Variants in LRP1B observed in about 807,000 individuals in gnomAD.
The protein encoded by LRP1B is low-density lipoprotein receptor-related protein 1B.
LRP1B carries 217 observed loss-of-function variants against 556.6 expected under a neutral mutation model. The observed-to-expected ratio is 0.39, with a 90% CI of 0.35 to 0.44. The LOEUF (loss-of-function observed/expected upper bound fraction) is 0.44, where lower values mean the gene tolerates loss of function less well. LRP1B is among the 20% of genes least tolerant of loss of function. The pLI, the probability that LRP1B is intolerant of heterozygous loss-of-function variation, is 1.00. For synonymous variants in LRP1B, 2,047 were observed against 1,865.8 expected, an observed-to-expected ratio of 1.10 and a Z score of -2.50; for missense variants, 5,053 against 5,620.8, an observed-to-expected ratio of 0.90 and a Z score of 3.23.
intron 7 of LRP1B, among the ~76,000 whole-genome samples, chr2:141,077,203 G>C (rs1391312393): frequency 6.6e-6 from 1 of 152,140 alleles, no homozygotes. Flanking sequence ...AGCTGAGATT[G>C]TGCCACTGCA....
chr2:141,796,935 A>G (rs935831755), intron 2 of LRP1B, among the ~76,000 whole-genome samples: 1 of 151,410 alleles, frequency 6.6e-6, no homozygotes. Context: ...AAACTTGTTG[A>G]CAGTAGTAAA....
chr2:141,700,095 T>TA (rs1239770295), intron 2 of LRP1B, among the ~76,000 whole-genome samples: 1 of 151,624 alleles, frequency 6.6e-6, no homozygotes, highest in Non-Finnish European at 1.5e-5. Flanking sequence ...CATCTAAGGG[T>TA]AAACTTCTGT....
At chr2:141,080,238 C>T (rs149051952) in intron 7 of LRP1B, among the ~76,000 whole-genome samples, 28 of 152,282 alleles carry the variant, frequency 1.8e-4, no homozygotes, top group African/African-American at 6.5e-4. Flanking sequence ...CAGGCATTTG[C>T]TGTTCATGCC....
chr2:141,564,279 T>A (rs1334829186), intron 2 of LRP1B, among the ~76,000 whole-genome samples: 1 of 152,084 alleles, frequency 6.6e-6, no homozygotes, highest in Non-Finnish European at 1.5e-5. Context: ...GGACAAAGAA[T>A]GAGGGTTAAG....
chr2:141,531,763 T>G (rs1471677884), intron 2 of LRP1B, among the ~76,000 whole-genome samples: 1 of 152,128 alleles, frequency 6.6e-6, no homozygotes, highest in East Asian at 1.9e-4. Context: ...TCTGACAGAT[T>G]AGGGTTTGTA....
chr2:141,747,329 T>A (rs1693952069), intron 2 of LRP1B, among the ~76,000 whole-genome samples: 1 of 152,238 alleles, frequency 6.6e-6, no homozygotes, highest in African/African-American at 2.4e-5. Flanking sequence ...CAAAAATGTT[T>A]TATTCAATTT....
intron 1 of LRP1B, among the ~76,000 whole-genome samples, chr2:141,902,626 T>C (rs1699653164): frequency 6.6e-6 from 1 of 152,032 alleles, no homozygotes; most frequent in African/African-American, 2.4e-5. Context: ...AAGGAACATA[T>C]AGCACATTCA....
At chr2:140,735,744 G>A (rs1687925358) in intron 35 of LRP1B, among the ~76,000 whole-genome samples, 1 of 152,110 alleles carries the variant, frequency 6.6e-6, no homozygotes, top group African/African-American at 2.4e-5. Flanking sequence ...TTTAGGACAT[G>A]CACTCACTTT....
intron 3 of LRP1B, among the ~76,000 whole-genome samples, chr2:141,351,207 T>G (rs1253230035): frequency 5.9e-5 from 9 of 151,980 alleles, no homozygotes. Flanking sequence ...GAATCAACAT[T>G]TTTCCATTCT....
intron 3 of LRP1B, among the ~76,000 whole-genome samples, chr2:141,467,150 A>ATATATC: frequency 7.0e-6 from 1 of 143,410 alleles, no homozygotes; most frequent in Admixed American, 7.0e-5. Context: ...ATATATATAT[A>ATATATC]TCCTCTCAGG....
chr2:141,928,548 G>C (rs1700400197), intron 1 of LRP1B, among the ~76,000 whole-genome samples: 1 of 152,052 alleles, frequency 6.6e-6, no homozygotes, highest in Admixed American at 6.6e-5. Flanking sequence ...CAGACCTACT[G>C]CTATCACATG....
At chr2:141,824,420 C>G (rs569278894) in intron 1 of LRP1B, among the ~76,000 whole-genome samples, 7 of 152,276 alleles carry the variant, frequency 4.6e-5, no homozygotes, top group African/African-American at 1.7e-4. Flanking sequence ...AATGCAGTGG[C>G]GCGATCTCGG....
At chr2:140,912,661 T>C (rs959550269) in intron 21 of LRP1B, among the ~76,000 whole-genome samples, 1 of 151,782 alleles carries the variant, frequency 6.6e-6, no homozygotes, top group African/African-American at 2.4e-5. Context: ...TGTCAAAGAC[T>C]CTATTTTGGT....
In LRP1B at chr2:140,930,363, T is replaced by C. The variant is rs570749881; in HGVS notation, c.3137-7216A>G. 5.4e-4 allele frequency among the ~76,000 whole-genome samples: 82 copies of C among 152,176 alleles called. 1 individual carries two copies. The highest frequency in any genetic ancestry group is 1.9e-3 in the African/African-American group (77 of 41,546). On this transcript the variant is annotated intron_variant, in intron 20 of 90. Transcript: ENST00000389484. ...AGAGCCCTGAAGGAAATATGGCAAC[T>C]GCTAGTAGAATTTATTCCAATATTT...
chr2:140,996,244 C>G (rs1697241916), intron 15 of LRP1B, among the ~76,000 whole-genome samples: 1 of 151,936 alleles, frequency 6.6e-6, no homozygotes, highest in Admixed American at 6.6e-5. Context: ...CTATCCCTGC[C>G]CAAGCCTTCC....
intron 69 of LRP1B, 29 bp from the exon 70 acceptor site, chr2:140,371,314 G>A (rs2105167253): frequency 7.9e-7 from 1 of 1,260,192 alleles, no homozygotes; most frequent in South Asian, 1.5e-5. Flanking sequence ...TTGAAATTGA[G>A]ATAGAGTAAA....
rs569626039 is a variant in LRP1B, at chr2:140,913,921, C to A, written c.3320-5844G>T. Reference sequence around the variant, plus strand: ...AACCTTATTTGTTTAATCGAATTCACACAAAAGATGAAACTGTTATCTAAA... The same window carrying A: ...AACCTTATTTGTTTAATCGAATTCAAACAAAAGATGAAACTGTTATCTAAA... On this transcript the variant is annotated intron_variant, in intron 21 of 90. Transcript: ENST00000389484. Among the ~76,000 whole-genome samples, 302 of 151,954 alleles carry A rather than the reference C, an allele frequency of 2.0e-3. 1 individual carries two copies. The highest frequency in any genetic ancestry group is 6.7e-3 in the African/African-American group (276 of 41,392).
intron 11 of LRP1B, among the ~76,000 whole-genome samples, chr2:141,021,403 CGCTGA>C (rs1398641664): frequency 2.6e-5 from 4 of 151,920 alleles, no homozygotes; most frequent in African/African-American, 4.8e-5. Flanking sequence ...TTCCCAATTT[CGCTGA>C]GCTATCTGCT....
intron 25 of LRP1B, among the ~76,000 whole-genome samples, chr2:140,871,583 C>T (rs1289709892): frequency 1.3e-5 from 2 of 152,062 alleles, no homozygotes; most frequent in Non-Finnish European, 2.9e-5. Flanking sequence ...GAATTTCTTT[C>T]AAACAATTGG....
Sources: gnomAD v4.1 joint callset for allele counts (sites outside exome capture counted in the v4.1 genomes callset) on GRCh38, gnomAD v4.1.1 for gene constraint, MANE v1.5 for transcripts, NCBI Gene and HGNC (gene_info 2026-07-23, HGNC 2026-07-21) for gene names.